Variants in ATP8A2 observed in about 807,000 individuals in gnomAD.
ATP8A2 encodes the protein ATPase phospholipid transporting 8A2, also known as phospholipid-transporting ATPase IB.
A neutral mutation model predicts 165.6 loss-of-function variants in ATP8A2; 100 were observed. The observed-to-expected ratio is 0.60, with a 90% CI of 0.51 to 0.71. The LOEUF (loss-of-function observed/expected upper bound fraction) is 0.71, where lower values mean the gene tolerates loss of function less well. ATP8A2 is among the 30% of genes least tolerant of loss of function. The pLI, the probability that ATP8A2 is intolerant of heterozygous loss-of-function variation, is 0.00. For synonymous variants in ATP8A2, 543 were observed against 548.8 expected (o/e 0.99, Z 0.15); for missense variants, 1,227 against 1,479.5 (o/e 0.83, Z 2.80).
At chr13:25,888,565 A>T (rs1399347634) in intron 33 of ATP8A2, among the ~76,000 whole-genome samples, 1 of 152,192 alleles carries the variant, frequency 6.6e-6, no homozygotes, top group Non-Finnish European at 1.5e-5. Flanking sequence ...AGTATATAGA[A>T]GTTTGTAGAG....
At chr13:25,555,131 C>T in intron 13 of ATP8A2, 63 bp downstream of exon 13, 1 of 1,222,580 alleles carries the variant, frequency 8.2e-7, no homozygotes. Context: ...TGAGTGTTAG[C>T]AGAAGAACCA....
chr13:25,944,642 G>A (rs149411284), intron 33 of ATP8A2: 2,270 of 152,338 alleles, frequency 0.015, 22 homozygotes, highest in Admixed American at 0.024. Context: ...GTTGCCTAAG[G>A]AGTGATGAAC....
intron 1 of ATP8A2, among the ~76,000 whole-genome samples, chr13:25,396,408 A>G (rs2033426510): frequency 6.6e-6 from 1 of 152,000 alleles, no homozygotes; most frequent in African/African-American, 2.4e-5. Context: ...TCTATGACCT[A>G]CCTTGAGGAA....
At chr13:25,399,984 G>GGATCTTGCTCTTT (rs2033583026) in intron 1 of ATP8A2, among the ~76,000 whole-genome samples, 1 of 151,330 alleles carries the variant, frequency 6.6e-6, no homozygotes, top group Admixed American at 6.6e-5. Context: ...TTTTGAGGAA[G>GGATCTTGCTCTTT]CCATCAGAGC....
At chr13:25,562,777 T>C (rs2039197097) in intron 15 of ATP8A2, among the ~76,000 whole-genome samples, 1 of 152,236 alleles carries the variant, frequency 6.6e-6, no homozygotes, top group Admixed American at 6.5e-5. Context: ...AGGACTACTC[T>C]GGTTTAATTT....
chr13:25,760,260 A>T (rs140963529), intron 25 of ATP8A2, among the ~76,000 whole-genome samples: 126 of 152,344 alleles, frequency 8.3e-4, no homozygotes, highest in South Asian at 3.7e-3. Flanking sequence ...TGCTCATAGG[A>T]TGTTGAAGCA....
At chr13:25,726,881 G>C (rs957617225) in intron 25 of ATP8A2, among the ~76,000 whole-genome samples, 3 of 152,088 alleles carry the variant, frequency 2.0e-5, no homozygotes, top group African/African-American at 7.2e-5. Context: ...AAAAGACCCT[G>C]CAATAGGGCA....
At position 25,727,449 on chromosome 13, in the gene ATP8A2, A is replaced by G. The variant is rs531539927; in HGVS notation, c.2384+28104A>G. 6.8e-4 allele frequency among the ~76,000 whole-genome samples: 103 copies of G among 152,288 alleles called. 1 individual carries two copies. Among genetic ancestry groups the G allele is most frequent in the African/African-American group, 2.2e-3 (91 of 41,570 alleles). ...CGCCCCATGCCAGAGCTGTATTTGC[A>G]TTACTGAAAAGCAAATATCTCAGGC... On this transcript the variant is annotated intron_variant, in intron 25 of 36. Transcript: ENST00000381655.
intron 1 of ATP8A2, among the ~76,000 whole-genome samples, chr13:25,462,713 C>T (rs1181721111): frequency 6.6e-6 from 1 of 151,466 alleles, no homozygotes; most frequent in East Asian, 1.9e-4. Flanking sequence ...AACCCTCTAA[C>T]CACATGATTG....
At chr13:25,604,813 GAT>G (rs1362121609) in intron 24 of ATP8A2, among the ~76,000 whole-genome samples, 32 of 152,136 alleles carry the variant, frequency 2.1e-4, no homozygotes, top group African/African-American at 7.7e-4. Flanking sequence ...GTTTGTTTTT[GAT>G]AGATAGTCCA....
chr13:25,647,659 C>A (rs984374004), intron 24 of ATP8A2, among the ~76,000 whole-genome samples: 2 of 151,762 alleles, frequency 1.3e-5, no homozygotes, highest in Non-Finnish European at 2.9e-5. Context: ...GAAAAGTTTT[C>A]AGCCATTCTT....
chr13:25,717,989 A>C (rs3132352), intron 25 of ATP8A2, among the ~76,000 whole-genome samples: 26,409 of 152,174 alleles, frequency 0.17, 2,806 homozygotes, highest in East Asian at 0.38. Flanking sequence ...AAAAGGAAAC[A>C]ATCTCCTATG....
At chr13:25,766,486 C>G (rs948845362) in intron 25 of ATP8A2, among the ~76,000 whole-genome samples, 1 of 152,170 alleles carries the variant, frequency 6.6e-6, no homozygotes, top group Non-Finnish European at 1.5e-5. Flanking sequence ...GAGCGCTGCA[C>G]GACTTCTCGA....
intron 28 of ATP8A2, among the ~76,000 whole-genome samples, chr13:25,828,457 C>T (rs1284838205): frequency 6.6e-6 from 1 of 152,206 alleles, no homozygotes; most frequent in Non-Finnish European, 1.5e-5. Flanking sequence ...ACCCTTGTTA[C>T]CCCCTTACTA....
chr13:25,514,189 A>G (rs535338326), intron 2 of ATP8A2, among the ~76,000 whole-genome samples: 96 of 152,238 alleles, frequency 6.3e-4, no homozygotes, highest in Admixed American at 3.8e-3. Flanking sequence ...CCAATTGCCA[A>G]TAGCCATTTT....
At chr13:25,739,373 G>A (rs757357424) in intron 25 of ATP8A2, among the ~76,000 whole-genome samples, 4 of 152,222 alleles carry the variant, frequency 2.6e-5, no homozygotes. Flanking sequence ...ATTAAACTAT[G>A]CAGAATAGAA....
intron 24 of ATP8A2, among the ~76,000 whole-genome samples, chr13:25,690,044 T>A (rs1334896463): frequency 6.6e-6 from 1 of 152,006 alleles, no homozygotes; most frequent in African/African-American, 2.4e-5. Context: ...AAAATAAAAA[T>A]CTAGTTTGGG....
intron 2 of ATP8A2, among the ~76,000 whole-genome samples, chr13:25,523,649 T>C (rs2037741879): frequency 6.6e-6 from 1 of 152,168 alleles, no homozygotes; most frequent in Admixed American, 6.5e-5. Context: ...GATTTGTTGG[T>C]GCATAATTGT....
In ATP8A2 at chr13:25,947,933, C is replaced by G. The variant is rs143277577; in HGVS notation, c.3184-13642C>G. Among the ~76,000 whole-genome samples the G allele has an allele frequency of 4.9e-3, 748 of 152,236 alleles. 5 individuals are homozygous for G. Among genetic ancestry groups the G allele is most frequent in the African/African-American group, 0.017 (717 of 41,550 alleles). On this transcript the variant is annotated intron_variant, in intron 33 of 36. Coordinates refer to ENST00000381655, the MANE Select transcript of ATP8A2 (RefSeq NM_016529.6). ...TAAGAGCAGATAAGAGAACATCATG[C>G]TTGCCACTGCCTGATGAGGGGACGT...
Sources: gnomAD v4.1 joint callset for allele counts (sites outside exome capture counted in the v4.1 genomes callset) on GRCh38, gnomAD v4.1.1 for gene constraint, MANE v1.5 for transcripts, NCBI Gene and HGNC (gene_info 2026-07-23, HGNC 2026-07-21) for gene names.